THEMIS: variants seen among roughly 807,000 people sequenced by gnomAD.
The protein encoded by THEMIS is protein THEMIS.
Under a neutral mutation model 52.6 loss-of-function variants are expected in THEMIS, and 37 were observed. The ratio of observed to expected loss-of-function variants is 0.70; its 90% CI spans 0.54 to 0.93. The LOEUF (loss-of-function observed/expected upper bound fraction) is 0.93. Among genes scored for constraint, THEMIS ranks in the 40% least tolerant of loss-of-function variants. The pLI, the probability that THEMIS is intolerant of heterozygous loss-of-function variation, is 0.00. For synonymous variants in THEMIS, 292 were observed against 272.7 expected (o/e 1.07, Z -0.70); for missense variants, 808 against 763.1 (o/e 1.06, Z -0.69).
At chr6:127,784,868 C>A (rs1484308599) in intron 4 of THEMIS, among the ~76,000 whole-genome samples, 2 of 152,102 alleles carry the variant, frequency 1.3e-5, no homozygotes, top group African/African-American at 4.8e-5. Context: ...CTATCTCTAA[C>A]AACTGAAAGA....
At chr6:127,902,341 A>AAAT (rs1554248932), upstream of THEMIS, among the ~76,000 whole-genome samples, 3 of 149,508 alleles carry the variant, frequency 2.0e-5, no homozygotes, top group Non-Finnish European at 3.0e-5. Flanking sequence ...AAAAAAAAAA[A>AAAT]AAAATAAAGA....
chr6:127,708,304 A>G lies in THEMIS; in HGVS notation c.*1681T>C, dbSNP rs1773859210. ...AGACAACTGGAAACACAGTATGTGA[A>G]AGGACTTATATTTAGAAATGTTATA... is the stretch of plus-strand genomic sequence containing the variant. On this transcript the variant is annotated 3_prime_UTR_variant, in exon 6 of 6. Coordinates refer to ENST00000368248, the MANE Select transcript of THEMIS (RefSeq NM_001010923.3). The G allele has an allele frequency of 6.6e-6, 1 of 152,120 alleles. No individual in the cohort carries two copies. Among genetic ancestry groups the G allele is most frequent in the South Asian group, 2.1e-4 (1 of 4,834 alleles). The allele number at this position is 152,120 out of a possible 1,614,324, so 9.4% of individuals were successfully genotyped here. A position where few individuals can be genotyped will look rare whatever the true frequency, so the allele number is the denominator to read the frequency against.
At chr6:127,814,632 A>T (rs1778063388) in intron 3 of THEMIS, among the ~76,000 whole-genome samples, 1 of 152,172 alleles carries the variant, frequency 6.6e-6, no homozygotes, top group Admixed American at 6.5e-5. Flanking sequence ...GTGGGTCACA[A>T]TCAGAGGAGC....
intron 4 of THEMIS, among the ~76,000 whole-genome samples, chr6:127,782,885 C>T (rs546554813): frequency 6.6e-4 from 100 of 152,286 alleles, no homozygotes; most frequent in African/African-American, 2.2e-3. Flanking sequence ...TTAGAAAAAA[C>T]TACTTTAAAT....
chr6:127,878,706 G>T (rs1780388783), intron 1 of THEMIS, among the ~76,000 whole-genome samples: 1 of 152,188 alleles, frequency 6.6e-6, no homozygotes, highest in Non-Finnish European at 1.5e-5. Context: ...AATAAGATGA[G>T]ATTAATACTT....
intron 1 of THEMIS, among the ~76,000 whole-genome samples, chr6:127,863,491 C>T (rs1403939089): frequency 6.6e-6 from 1 of 152,106 alleles, no homozygotes; most frequent in Non-Finnish European, 1.5e-5. Flanking sequence ...GTTGTTTAGC[C>T]TTTGAAATCA....
At chr6:127,889,223 G>A (rs1780732880) in intron 1 of THEMIS, among the ~76,000 whole-genome samples, 2 of 151,976 alleles carry the variant, frequency 1.3e-5, no homozygotes, top group East Asian at 1.9e-4. Context: ...TATTATTTTT[G>A]TTCTCAGTAC....
In THEMIS at chr6:127,776,555, A is replaced by T. The variant is rs146948252; in HGVS notation, c.1758+36328T>A. 2.6e-3 allele frequency among the ~76,000 whole-genome samples: 401 copies of T among 152,326 alleles called. 2 individuals are homozygous for T. Among genetic ancestry groups the T allele is most frequent in the African/African-American group, 8.9e-3 (371 of 41,576 alleles). ...GAACCCCTCTGAGTCAGCAATTTTG[A>T]TGAATGTAGCCCCAGCTGACACATT... On this transcript the variant is annotated intron_variant, in intron 4 of 5. Transcript: ENST00000368248.
In THEMIS at chr6:127,731,895, A is replaced by G. The variant is rs569325453; in HGVS notation, c.1759-12072T>C. Among the ~76,000 whole-genome samples, 61 of 27,670 alleles carry G rather than the reference A, an allele frequency of 2.2e-3. 4 individuals carry two copies. In the East Asian group the frequency reaches 0.17, roughly 76 times the overall value. 18.2% of individuals were successfully genotyped at this position (27,670 alleles called of 152,430 possible). On this transcript the variant is annotated intron_variant, in intron 4 of 5. Transcript: ENST00000368248. ...TTTTTTTTTTTTTTTTTTAGTAGAG[A>G]TGGGGTTTCACCCTGTTAGCCAGGA...
At chr6:127,766,444 C>T (rs1323355650) in intron 4 of THEMIS, among the ~76,000 whole-genome samples, 4 of 152,108 alleles carry the variant, frequency 2.6e-5, no homozygotes, top group African/African-American at 4.8e-5. Context: ...GAGTTAGCCT[C>T]CTTTGTATTC....
upstream of THEMIS, among the ~76,000 whole-genome samples, chr6:127,902,342 A>AAT (rs1554248938): frequency 2.9e-4 from 44 of 149,918 alleles, no homozygotes; most frequent in African/African-American, 5.2e-4. Context: ...AAAAAAAAAA[A>AAT]AAATAAAGAA....
chr6:127,834,227 G>T (rs958919359), intron 2 of THEMIS, among the ~76,000 whole-genome samples: 1 of 151,986 alleles, frequency 6.6e-6, no homozygotes, highest in Non-Finnish European at 1.5e-5. Flanking sequence ...AATGTTGAGG[G>T]AAACTAAGTG....
At chr6:127,880,524 AC>A (rs1232834251) in intron 1 of THEMIS, among the ~76,000 whole-genome samples, 5 of 150,342 alleles carry the variant, frequency 3.3e-5, no homozygotes, top group Admixed American at 2.0e-4. Flanking sequence ...AAAAAAAAAA[AC>A]TTTTTTGAAT....
chr6:127,904,864 G>T (rs575552653), upstream of THEMIS, among the ~76,000 whole-genome samples: 8 of 152,128 alleles, frequency 5.3e-5, no homozygotes, highest in African/African-American at 1.9e-4. Context: ...TCAATAATTG[G>T]TTTTAACAGC....
At chr6:127,910,875 C>A (rs1209944240) in intron 1 of THEMIS, among the ~76,000 whole-genome samples, 2 of 152,090 alleles carry the variant, frequency 1.3e-5, no homozygotes, top group East Asian at 1.9e-4. Flanking sequence ...ATTCAGGATA[C>A]CCCATTGCCT....
Position 127,729,140 on chromosome 6 carries a change from TTCTCTCTCTCTCTCTCTC to T in THEMIS, c.1759-9335_1759-9318del, listed in dbSNP as rs35400135. 6.1e-3 allele frequency among the ~76,000 whole-genome samples: 651 copies of T among 106,182 alleles called. 9 individuals carry two copies. Among genetic ancestry groups the T allele is most frequent in the African/African-American group, 0.015 (371 of 25,046 alleles). The allele number at this position is 106,182 out of a possible 152,430, so 69.7% of individuals were successfully genotyped here. A position where few individuals can be genotyped will look rare whatever the true frequency, so the allele number is the denominator to read the frequency against. On this transcript the variant is annotated intron_variant, in intron 4 of 5. Transcript: ENST00000368248. ...CCATTCTACTCCCTTTACCAATTTA[TTCTCTCTCTCTCTCTCTC>T]TCTCTCTCTCTCTCTCTCTCTCTCT...
chr6:127,809,099 T>C (rs968284791), intron 4 of THEMIS, among the ~76,000 whole-genome samples: 2 of 152,226 alleles, frequency 1.3e-5, no homozygotes, highest in Non-Finnish European at 2.9e-5. Flanking sequence ...TCTCTGTGCA[T>C]GTAAAACCAC....
chr6:127,883,838 T>G (rs989373660), intron 1 of THEMIS, among the ~76,000 whole-genome samples: 4 of 152,126 alleles, frequency 2.6e-5, no homozygotes, highest in African/African-American at 9.7e-5. Flanking sequence ...AGGTTAGGTG[T>G]GTTAAATGCA....
At chr6:127,886,542 C>T (rs1041700981) in intron 1 of THEMIS, among the ~76,000 whole-genome samples, 1 of 152,076 alleles carries the variant, frequency 6.6e-6, no homozygotes, top group Admixed American at 6.6e-5. Flanking sequence ...TTTTTGTTCA[C>T]TTGGGGTCCT....
Sources: allele counts gnomAD v4.1 joint callset (sites outside exome capture counted in the v4.1 genomes callset), GRCh38; gene constraint gnomAD v4.1.1; transcripts MANE v1.5; gene names NCBI Gene and HGNC (gene_info 2026-07-23, HGNC 2026-07-21).